The following PITX1 variants were observed in gnomAD, a reference collection of about 807,000 sequenced individuals.
PITX1 encodes the protein pituitary homeobox 1.
Under a neutral mutation model 24.1 loss-of-function variants are expected in PITX1, and 5 were observed. The observed-to-expected ratio is 0.21, with a 90% CI of 0.11 to 0.44. The LOEUF is 0.44. Among genes scored for constraint, PITX1 ranks in the 20% least tolerant of loss-of-function variants. The pLI is 0.99. For synonymous variants in PITX1, 213 were observed against 208.9 expected (o/e 1.02, Z -0.17); for missense variants, 401 against 455.4 (o/e 0.88, Z 1.09).
In PITX1 at chr5:135,033,402, A is replaced by C; in HGVS notation, c.169+311T>G. 42 of 387,304 alleles carry C rather than the reference A, an allele frequency of 1.1e-4. No homozygotes were observed. Among genetic ancestry groups the C allele is most frequent in the Middle Eastern group, 1.6e-3 (2 of 1,286 alleles). 24.0% of individuals were successfully genotyped at this position (387,304 alleles called of 1,614,324 possible). ...TCGTCCGAGCCGCTCCTTAGCGCCC[A>C]GTTGCGCAAATCAAATTCTTTCCCG... On this transcript the variant is annotated intron_variant, in intron 1 of 2. Coordinates refer to ENST00000265340, the MANE Select transcript of PITX1 (RefSeq NM_002653.5). The surrounding 1 kb of genome is among the most constrained non-coding windows in gnomAD (Gnocchi z 5.9).
chr5:135,033,684 G>C lies in PITX1; in HGVS notation c.169+29C>G. 6.3e-7 allele frequency: 1 copy of C among 1,591,218 alleles called. No homozygotes were observed. The highest frequency in any genetic ancestry group is 8.5e-7 in the Non-Finnish European group (1 of 1,175,912). On this transcript the variant is annotated intron_variant, in intron 1 of 2. Transcript: ENST00000265340. The surrounding 1 kb of genome is among the most constrained non-coding windows in gnomAD (Gnocchi z 5.9). The stretch of plus-strand genomic sequence containing the variant: ...CGTGCTCCGCGCCCGGGTAGGCTCT[G>C]TGCGCGCCGCGCGGGGAACGGCGCT...
Position 135,031,273 on chromosome 5 carries a change from C to T in PITX1, c.402+3G>A, listed in dbSNP as rs374111861. 119 of 1,613,512 alleles carry T rather than the reference C, an allele frequency of 7.4e-5. No homozygotes were observed. Among genetic ancestry groups the T allele is most frequent in the Non-Finnish European group, 9.6e-5 (113 of 1,179,592 alleles). ...TGCCCTTAGGCGCGCACCCCTTGCT[C>T]ACCCGCACGCGCGGCTCGGTGAGGT... On this transcript the variant is annotated splice_donor_region_variant and intron_variant, in intron 2 of 2. Coordinates refer to ENST00000265340, the MANE Select transcript of PITX1 (RefSeq NM_002653.5).
Position 135,028,365 on chromosome 5 carries a change from G to A in PITX1, c.*414C>T, listed in dbSNP as rs1286601587. Reference sequence around the variant, plus strand: ...CCACTCAGTCCGGATCCAGCGCGGCGGGGACGCGGGATACGAGGTCGTCCT... The same window carrying A: ...CCACTCAGTCCGGATCCAGCGCGGCAGGGACGCGGGATACGAGGTCGTCCT... On this transcript the variant is annotated 3_prime_UTR_variant, in exon 3 of 3. Coordinates refer to ENST00000265340, the MANE Select transcript of PITX1 (RefSeq NM_002653.5). 2 of 153,548 alleles carry A rather than the reference G, an allele frequency of 1.3e-5. No individual in the cohort carries two copies. The highest frequency in any genetic ancestry group is 4.8e-5 in the African/African-American group (2 of 41,500). 9.5% of individuals were successfully genotyped at this position (153,548 alleles called of 1,614,324 possible). A position where few individuals can be genotyped will look rare whatever the true frequency, so the allele number is the denominator to read the frequency against.
chr5:135,031,291 G>A lies in PITX1; in HGVS notation c.387C>T (p.Thr129=), dbSNP rs112172425. 1.1e-3 allele frequency: 1,817 copies of A among 1,613,964 alleles called. 17 individuals are homozygous for A. The African/African-American group carries it at 0.02, about 18-fold the overall frequency. ...CCTTGCTCACCCGCACGCGCGGCTCGGTGAGGTTGGTCCACACGGCGATCT... is the reference window on the plus strand; with the variant it reads ...CCTTGCTCACCCGCACGCGCGGCTCAGTGAGGTTGGTCCACACGGCGATCT... The part of the protein sequence containing the change: ...REEIAVWTNL[T]EPRVRVWFKN... The change falls in exon 2 of 3, where the codon ACC becomes ACT. Residue 129 remains threonine, a synonymous_variant. Coordinates refer to ENST00000265340, the MANE Select transcript of PITX1 (RefSeq NM_002653.5).
Position 135,034,188 on chromosome 5 carries a change from C to G in PITX1, c.-307G>C, listed in dbSNP as rs1199003848. The G allele has an allele frequency of 6.6e-5, 10 of 151,006 alleles. No homozygotes were observed. The highest frequency in any genetic ancestry group is 1.5e-4 in the African/African-American group (6 of 41,068). 9.4% of individuals were successfully genotyped at this position (151,006 alleles called of 1,614,324 possible). ...CCGGCTCCGGCTCGCGATCCGGGGCCGGTTTCTAAGGCTCCGGACGGCGCC... is the reference window on the plus strand; with the variant it reads ...CCGGCTCCGGCTCGCGATCCGGGGCGGGTTTCTAAGGCTCCGGACGGCGCC... On this transcript the variant is annotated 5_prime_UTR_variant, in exon 1 of 3. Coordinates refer to ENST00000265340, the MANE Select transcript of PITX1 (RefSeq NM_002653.5).
In PITX1 at chr5:135,028,607, G is replaced by C. The variant is rs1580925078; in HGVS notation, c.*172C>G. On this transcript the variant is annotated 3_prime_UTR_variant, in exon 3 of 3. Transcript: ENST00000265340. Reference sequence around the variant, plus strand: ...GGAGGGCAGAGTGGGGTCCGGAAAAGCAAACACAAAACCAACCCGGAGTGG... The same window carrying C: ...GGAGGGCAGAGTGGGGTCCGGAAAACCAAACACAAAACCAACCCGGAGTGG... The C allele has an allele frequency of 5.2e-6, 1 of 192,630 alleles. No individual in the cohort carries two copies. The allele number at this position is 192,630 out of a possible 1,614,324, so 11.9% of individuals were successfully genotyped here.
In PITX1 at chr5:135,033,124, C is replaced by T; in HGVS notation, c.169+589G>A. ...CTTCGGCCGCGCACGTGGGCCGGATCCCTTGATCGGCGTTCCGGCTGGCCT... is the reference window on the plus strand; with the variant it reads ...CTTCGGCCGCGCACGTGGGCCGGATTCCTTGATCGGCGTTCCGGCTGGCCT... On this transcript the variant is annotated intron_variant, in intron 1 of 2. Transcript: ENST00000265340. This position sits in a 1 kb window ranked among gnomAD's most constrained non-coding sequence, Gnocchi z 5.9. 1 of 363,314 alleles carries T rather than the reference C, an allele frequency of 2.8e-6. No homozygotes were observed. The highest frequency in any genetic ancestry group is 5.4e-6 in the Non-Finnish European group (1 of 184,152). 22.5% of individuals were successfully genotyped at this position (363,314 alleles called of 1,614,324 possible). A position where few individuals can be genotyped will look rare whatever the true frequency, so the allele number is the denominator to read the frequency against.
rs1047300449 is a variant in PITX1 at position 135,033,926 on chromosome 5, G to A, written c.-45C>T. The A allele has an allele frequency of 2.0e-4, 250 of 1,229,316 alleles. 1 individual carries two copies. The highest frequency in any genetic ancestry group is 6.1e-4 in the Middle Eastern group (2 of 3,290). 76.2% of individuals were successfully genotyped at this position (1,229,316 alleles called of 1,614,324 possible). On this transcript the variant is annotated 5_prime_UTR_variant, in exon 1 of 3. Transcript: ENST00000265340. This position sits in a 1 kb window ranked among gnomAD's most constrained non-coding sequence, Gnocchi z 5.9. ...GGCGCTCCAGGGGCCGGGGCTGGGC[G>A]CGCCCCGCCGCCCTGGCTGCGACCT...
In PITX1 at chr5:135,028,828, C is replaced by G. The variant is rs479632; in HGVS notation, c.896G>C (p.Gly299Ala). 0.27 allele frequency: 430,597 copies of G among 1,611,896 alleles called. 61,259 individuals carry two copies. The highest frequency in any genetic ancestry group is 0.54 in the East Asian group (23,953 of 44,768). ...SKQHSSFGYG[G>A]LQGPASGLNA... ...GAGGCCCGAGGCCGGGCCCTGCAGG[C>G]CGCCGTAGCCAAACGACGAGTGCTG... The change falls in exon 3 of 3, where the codon GGC (glycine) becomes GCC (alanine). Residue 299 changes from glycine to alanine, a missense_variant. Gly to Ala is a moderately conservative substitution (Grantham distance 60). Around this residue, in one of 3 missense-constraint regions of PITX1, gnomAD observed 217 missense variants for 219.8 expected, o/e 0.99. Coordinates refer to ENST00000265340, the MANE Select transcript of PITX1 (RefSeq NM_002653.5).
chr5:135,031,710 G>A (rs1363735164), intron 1 of PITX1: 1 of 599,598 alleles, frequency 1.7e-6, no homozygotes, highest in African/African-American at 1.9e-5. Context: ...GTGCCGCGGA[G>A]AAGAGCCCAA....
In PITX1 at chr5:135,031,505, T is replaced by C; in HGVS notation, c.173A>G (p.Lys58Arg). 6.2e-7 allele frequency: 1 copy of C among 1,609,862 alleles called. No individual in the cohort carries two copies. Among genetic ancestry groups the C allele is most frequent in the Non-Finnish European group, 8.5e-7 (1 of 1,179,082 alleles). The part of the protein sequence containing the change: ...SESSDTELPE[K>R]ERGGEPKGPE... ...CCCCTTGGGTTCCCCGCCGCGCTCC[T>C]TCTCTGCAGTAGGCAGGACGGGGAG... Residue 58 changes from lysine to arginine, a missense_variant, in exon 2 of 3, where the codon AAG becomes AGG. By Grantham distance (26) the Lys-to-Arg change is conservative (BLOSUM62 2). Coordinates refer to ENST00000265340, the MANE Select transcript of PITX1 (RefSeq NM_002653.5).
Position 135,028,921 on chromosome 5 carries a change from G to T in PITX1, c.803C>A (p.Ala268Asp). The T allele has an allele frequency of 6.2e-7, 1 of 1,613,946 alleles. No individual in the cohort carries two copies. Among genetic ancestry groups the T allele is most frequent in the Non-Finnish European group, 8.5e-7 (1 of 1,179,950 alleles). ...SPGACPYGTP[A>D]SPYSVYRDTC... ...GTCCCGGTAGACGCTGTAGGGCGAGGCGGGAGTGCCGTACGGGCAAGCGCC... is the reference window on the plus strand; with the variant it reads ...GTCCCGGTAGACGCTGTAGGGCGAGTCGGGAGTGCCGTACGGGCAAGCGCC... Residue 268 changes from alanine (A) to aspartate (D), a missense_variant, in exon 3 of 3, where the codon GCC becomes GAC. Around this residue, in one of 3 missense-constraint regions of PITX1, gnomAD observed 217 missense variants for 219.8 expected, o/e 0.99. Coordinates refer to ENST00000265340, the MANE Select transcript of PITX1 (RefSeq NM_002653.5).
chr5:135,031,307 A>C lies in PITX1; in HGVS notation c.371T>G (p.Val124Gly). The change falls in exon 2 of 3, where the codon GTG (valine) becomes GGG (glycine). Residue 124 changes from valine (V) to glycine (G), a missense_variant. Transcript: ENST00000265340. ...PDMSMREEIA[V>G]WTNLTEPRVR... ...GCGCGGCTCGGTGAGGTTGGTCCACACGGCGATCTCCTCCCTCATGCTCAT... is the reference window on the plus strand; with the variant it reads ...GCGCGGCTCGGTGAGGTTGGTCCACCCGGCGATCTCCTCCCTCATGCTCAT... 1 of 1,614,014 alleles carries C rather than the reference A, an allele frequency of 6.2e-7. No homozygotes were observed.
Position 135,033,798 on chromosome 5 carries a change from C to T in PITX1, c.84G>A (p.Gly28=). ...CGGGCCGGGCCAGGTGGAAGGCGGGCCCCATGTCATGGGGTGGCGGCGGCG... is the reference window on the plus strand; with the variant it reads ...CGGGCCGGGCCAGGTGGAAGGCGGGTCCCATGTCATGGGGTGGCGGCGGCG... ...RPPPPPPHDM[G]PAFHLARPAD... Residue 28 remains glycine, a synonymous_variant, in exon 1 of 3, where the codon GGG becomes GGA. Transcript: ENST00000265340. This position sits in a 1 kb window ranked among gnomAD's most constrained non-coding sequence, Gnocchi z 5.9. 5.7e-6 allele frequency: 9 copies of T among 1,577,138 alleles called. No homozygotes were observed. Among genetic ancestry groups the T allele is most frequent in the Non-Finnish European group, 6.8e-6 (8 of 1,169,882 alleles).
intron 1 of PITX1, chr5:135,032,930 G>A (rs1418804664): frequency 9.1e-6 from 4 of 441,218 alleles, no homozygotes; most frequent in South Asian, 6.3e-5. Flanking sequence ...GAGCCCCTCC[G>A]GAACCCGGCC....
At chr5:135,029,428 TC>T in intron 2 of PITX1, 107 bp from the exon 3 acceptor site, 1 of 863,544 alleles carries the variant, frequency 1.2e-6, no homozygotes, top group South Asian at 1.7e-5. Flanking sequence ...CCTCCGAACG[TC>T]GTTTCTCTCC....
upstream of PITX1, chr5:135,034,741 C>T (rs1752543690): frequency 6.6e-6 from 1 of 151,898 alleles, no homozygotes; most frequent in South Asian, 2.1e-4. Context: ...GGGGCCCGTT[C>T]CGGCAGCTCC....
chr5:135,029,071 C>T lies in PITX1; in HGVS notation c.653G>A (p.Ser218Asn), dbSNP rs1752403765. 7.4e-6 allele frequency: 12 copies of T among 1,614,214 alleles called. No individual in the cohort carries two copies. The highest frequency in any genetic ancestry group is 7.6e-6 in the Non-Finnish European group (9 of 1,180,028). Residue 218 changes from serine to asparagine, a missense_variant, in exon 3 of 3, where the codon AGC (serine) becomes AAC (asparagine). By Grantham distance (46) the Ser-to-Asn change is conservative (BLOSUM62 1). This residue lies in a region of PITX1 where 217 missense variants were observed against 219.8 expected (regional missense o/e 0.99). Coordinates refer to ENST00000265340, the MANE Select transcript of PITX1 (RefSeq NM_002653.5). The stretch of plus-strand genomic sequence containing the variant: ...CGGCATGGTCATGGAGGAGATGGAG[C>T]TGGGTGCTGAGAACATGGACTGCGA... ...LSSQSMFSAP[S>N]SISSMTMPSS... is the part of the protein sequence containing the mutation.
chr5:135,033,896 C>T lies in PITX1; in HGVS notation c.-15G>A. 1 of 1,368,200 alleles carries T rather than the reference C, an allele frequency of 7.3e-7. No individual in the cohort carries two copies. 84.8% of individuals were successfully genotyped at this position (1,368,200 alleles called of 1,614,324 possible). A position where few individuals can be genotyped will look rare whatever the true frequency, so the allele number is the denominator to read the frequency against. ...AAGGCGTCCATGGAGGTGGGGACCGCGGCGGGCGCTCCAGGGGCCGGGGCT... is the reference window on the plus strand; with the variant it reads ...AAGGCGTCCATGGAGGTGGGGACCGTGGCGGGCGCTCCAGGGGCCGGGGCT... On this transcript the variant is annotated 5_prime_UTR_variant, in exon 1 of 3. Transcript: ENST00000265340. The surrounding 1 kb of genome is among the most constrained non-coding windows in gnomAD (Gnocchi z 5.9).
Sources: allele counts gnomAD v4.1 joint callset, GRCh38; gene constraint gnomAD v4.1.1; regional missense constraint gnomAD v4.1.1; non-coding constraint Gnocchi (gnomAD v3.1); transcripts MANE v1.5; gene names NCBI Gene and HGNC (gene_info 2026-07-23, HGNC 2026-07-21).